The following BCL6 variants were observed in gnomAD, a reference collection of about 807,000 sequenced individuals.
BCL6 encodes the protein BCL6 transcription repressor, also known as B-cell lymphoma 6 protein.
A neutral mutation model predicts 59.5 loss-of-function variants in BCL6; 7 were observed. That is an observed-to-expected ratio of 0.12 (90% CI 0.07 to 0.22). The LOEUF (loss-of-function observed/expected upper bound fraction) is 0.22. Among genes scored for constraint, BCL6 ranks in the 10% least tolerant of loss-of-function variants. The pLI, the probability that BCL6 is intolerant of heterozygous loss-of-function variation, is 1.00. For synonymous variants in BCL6, 339 were observed against 349.7 expected, an observed-to-expected ratio of 0.97 and a Z score of 0.34; for missense variants, 685 against 939.4, an observed-to-expected ratio of 0.73 and a Z score of 3.54.
At chr3:187,740,297 A>G (rs901165045) in intron 1 of BCL6, among the ~76,000 whole-genome samples, 1 of 151,902 alleles carries the variant, frequency 6.6e-6, no homozygotes, top group African/African-American at 2.4e-5. Flanking sequence ...GAAGAGAGCG[A>G]TTTCAGAATC....
chr3:187,742,027 G>C (rs1165130931), intron 1 of BCL6, among the ~76,000 whole-genome samples: 1 of 151,760 alleles, frequency 6.6e-6, no homozygotes, highest in East Asian at 1.9e-4. Flanking sequence ...CACCATCCTA[G>C]TTGGAAAGCA....
intron 4 of BCL6, among the ~76,000 whole-genome samples, chr3:187,731,466 G>T (rs1719038111): frequency 1.3e-5 from 2 of 151,966 alleles, no homozygotes; most frequent in South Asian, 4.2e-4. Flanking sequence ...GGAGGAGAGG[G>T]TATATTAAGT....
intron 1 of BCL6, among the ~76,000 whole-genome samples, chr3:187,745,143 C>G (rs554027355): frequency 4.6e-5 from 7 of 152,156 alleles, no homozygotes; most frequent in Middle Eastern, 6.8e-3. Context: ...AAATACATAA[C>G]AATCTATATC....
intron 1 of BCL6, 40 bp downstream of exon 1, chr3:187,745,370 C>CAGT (rs1031280287): frequency 1.7e-5 from 7 of 402,134 alleles, no homozygotes; most frequent in African/African-American, 1.4e-4. Context: ...GCGGCGGCGG[C>CAGT]AGTAGCAGCA....
chr3:187,730,756 CAAAG>C (rs1048053187), intron 4 of BCL6, among the ~76,000 whole-genome samples: 4 of 152,158 alleles, frequency 2.6e-5, no homozygotes, highest in Non-Finnish European at 5.9e-5. Context: ...TCACAGGAGA[CAAAG>C]AACTCTAGCT....
At chr3:187,744,739 AGGACAGGGGAAGGG>A in intron 1 of BCL6, among the ~76,000 whole-genome samples, 1 of 152,176 alleles carries the variant, frequency 6.6e-6, no homozygotes, top group Non-Finnish European at 1.5e-5. Context: ...GTTACCCAGA[AGGACAGGGGAAGGG>A]AAGGAAGAAG....
chr3:187,740,477 G>A (rs1711546513), intron 1 of BCL6, among the ~76,000 whole-genome samples: 1 of 152,176 alleles, frequency 6.6e-6, no homozygotes, highest in African/African-American at 2.4e-5. Context: ...GCTGGGGAGC[G>A]GTTTCCAATG....
intron 1 of BCL6, among the ~76,000 whole-genome samples, chr3:187,744,354 C>T (rs113468164): frequency 6.9e-6 from 1 of 145,974 alleles, no homozygotes; most frequent in Non-Finnish European, 1.5e-5. Flanking sequence ...GTCCCGCCAT[C>T]AGTCTCTCTC....
intron 6 of BCL6, among the ~76,000 whole-genome samples, chr3:187,727,950 A>T (rs1289824651): frequency 6.6e-6 from 1 of 152,104 alleles, no homozygotes; most frequent in African/African-American, 2.4e-5. Context: ...CCTATGGGGG[A>T]TGTGAGAATG....
In BCL6 at chr3:187,729,935, T is replaced by C. The variant is rs776489192; in HGVS notation, c.470A>G (p.Tyr157Cys). The C allele has an allele frequency of 5.0e-6, 8 of 1,613,886 alleles. No homozygotes were observed. The highest frequency in any genetic ancestry group is 3.3e-5 in the Admixed American group (2 of 59,996). The change falls in exon 5 of 10, where the codon TAT (tyrosine) becomes TGT (cysteine). Residue 157 changes from tyrosine (Y) to cysteine (C), a missense_variant. By Grantham distance (194) the Tyr-to-Cys change is radical (BLOSUM62 -2). This residue lies in a region of BCL6 where 268 missense variants were observed against 263.8 expected (regional missense o/e 1.02). Transcript: ENST00000406870. The surrounding 1 kb of genome is among the most constrained non-coding windows in gnomAD (Gnocchi z 5.6). ...GTTCTCCACCACCTCACGACCCCGA[T>C]AGGCCATGATGTCTTGGGGCATCAG... Reference protein sequence around the residue: ...RMLMPQDIMAYRGREVVENNL... With the variant: ...RMLMPQDIMACRGREVVENNL...
Position 187,729,440 on chromosome 3 carries a change from G to A in BCL6, c.965C>T (p.Pro322Leu). 1.9e-6 allele frequency: 3 copies of A among 1,609,934 alleles called. No individual in the cohort carries two copies. Among genetic ancestry groups the A allele is most frequent in the Non-Finnish European group, 2.5e-6 (3 of 1,177,572 alleles). Residue 322 changes from proline (P) to leucine (L), a missense_variant, in exon 5 of 10, where the codon CCC becomes CTC. Pro to Leu is a moderately conservative substitution (Grantham distance 98). Around this residue, in one of 7 missense-constraint regions of BCL6, gnomAD observed 268 missense variants for 263.8 expected, o/e 1.02. Transcript: ENST00000406870. The surrounding 1 kb of genome is among the most constrained non-coding windows in gnomAD (Gnocchi z 5.6). Reference sequence around the variant, plus strand: ...ACTAACCAGACCCTTCCGGTTCAGGGGTGCATTGGGGGGCTCGAAATGCAG... The same window carrying A: ...ACTAACCAGACCCTTCCGGTTCAGGAGTGCATTGGGGGGCTCGAAATGCAG... ...IALHFEPPNA[P>L]LNRKGLVSPQ...
At chr3:187,726,706 C>A (rs201847883) in intron 7 of BCL6, 25 bp downstream of exon 7, 1 of 1,609,766 alleles carries the variant, frequency 6.2e-7, no homozygotes, top group Non-Finnish European at 8.5e-7. Flanking sequence ...GTGGAGAGTT[C>A]GGGTCGTGTG....
chr3:187,737,859 G>A (rs542101486), intron 1 of BCL6: 1 of 147,808 alleles, frequency 6.8e-6, no homozygotes, highest in Non-Finnish European at 1.5e-5. Context: ...TCGGCTCTGC[G>A]GATTTCACAG....
chr3:187,726,747 G>A lies in BCL6; in HGVS notation c.1692C>T (p.His564=). 1 of 1,613,914 alleles carries A rather than the reference G, an allele frequency of 6.2e-7. No individual in the cohort carries two copies. The highest frequency in any genetic ancestry group is 2.2e-5 in the East Asian group (1 of 44,860). ...GGGCCATACCGGTATGGACGGTCTT[G>A]TGGCTGGCGAGGTTGCCCTTGTAGC... The part of the protein sequence containing the change: ...SFRYKGNLAS[H]KTVHTGEKPY... Residue 564 remains histidine, a synonymous_variant, in exon 7 of 10, where the codon CAC becomes CAT. Transcript: ENST00000406870.
chr3:187,739,789 A>C (rs763201749), intron 1 of BCL6, among the ~76,000 whole-genome samples: 5 of 152,136 alleles, frequency 3.3e-5, no homozygotes, highest in Non-Finnish European at 7.4e-5. Flanking sequence ...CAGCCTTTGC[A>C]AAAAGGCTGG....
intron 1 of BCL6, among the ~76,000 whole-genome samples, chr3:187,738,199 G>A (rs1055819365): frequency 2.0e-5 from 3 of 152,158 alleles, no homozygotes; most frequent in Non-Finnish European, 2.9e-5. Context: ...GAGACTTTAA[G>A]TTGTCCGATT....
intron 1 of BCL6, chr3:187,736,481 T>G (rs888948807): frequency 5.9e-5 from 9 of 152,204 alleles, no homozygotes; most frequent in African/African-American, 1.9e-4. Context: ...TTTAACCAGC[T>G]TCAACCACCA....
chr3:187,744,537 T>G (rs555312519), intron 1 of BCL6, among the ~76,000 whole-genome samples: 3 of 151,852 alleles, frequency 2.0e-5, no homozygotes, highest in Non-Finnish European at 4.4e-5. Context: ...TGAAAGGAAA[T>G]AGTAGACACG....
At chr3:187,731,162 T>C (rs149734742) in intron 4 of BCL6, among the ~76,000 whole-genome samples, 2,130 of 152,272 alleles carry the variant, frequency 0.014, 50 homozygotes, top group African/African-American at 0.047. Flanking sequence ...CTCCATTCAA[T>C]TCAATAAATG....
Sources: gnomAD v4.1 joint callset for allele counts (sites outside exome capture counted in the v4.1 genomes callset) on GRCh38, gnomAD v4.1.1 for gene constraint, gnomAD v4.1.1 regional missense constraint, Gnocchi (gnomAD v3.1) non-coding constraint, MANE v1.5 for transcripts, NCBI Gene and HGNC (gene_info 2026-07-23, HGNC 2026-07-21) for gene names.